The following ARMC9 variants were observed in gnomAD, a reference collection of about 807,000 sequenced individuals.
ARMC9 encodes armadillo repeat containing 9.
In ARMC9, 94 loss-of-function variants were observed where a neutral mutation model predicts 107.0. The observed-to-expected ratio is 0.88, with a 90% CI of 0.74 to 1.04. The LOEUF (loss-of-function observed/expected upper bound fraction) is 1.04, where lower values mean the gene tolerates loss of function less well. ARMC9 is among the 50% of genes least tolerant of loss of function. The pLI is 0.00. For missense variants in ARMC9, 942 were observed against 1,030.1 expected, an observed-to-expected ratio of 0.91 and a Z score of 1.17; for synonymous variants, 380 against 396.9, an observed-to-expected ratio of 0.96 and a Z score of 0.51.
Position 231,350,026 on chromosome 2 carries a change from TAA to T in ARMC9, c.1994+4951_1994+4952del, listed in dbSNP as rs200774556. ...TACACCTACTGTACCCACAAACATC[TAA>T]AAAAAAAAAAAAAATTGAGGGGAAG... On this transcript the variant is annotated intron_variant, in intron 21 of 24. Coordinates refer to ENST00000611582, the MANE Select transcript of ARMC9 (RefSeq NM_001352754.2). Among the ~76,000 whole-genome samples, 797 of 136,860 alleles carry T rather than the reference TAA, an allele frequency of 5.8e-3. 7 individuals are homozygous for T. The highest frequency in any genetic ancestry group is 0.018 in the African/African-American group (704 of 39,116). 89.8% of individuals were successfully genotyped at this position (136,860 alleles called of 152,430 possible).
intron 19 of ARMC9, among the ~76,000 whole-genome samples, chr2:231,307,074 C>T (rs1478479708): frequency 6.6e-6 from 1 of 152,154 alleles, no homozygotes; most frequent in Non-Finnish European, 1.5e-5. Context: ...TTCCCTTGCC[C>T]TGGTGTTCTC....
intron 14 of ARMC9, among the ~76,000 whole-genome samples, chr2:231,276,189 G>T (rs1193475044): frequency 6.6e-6 from 1 of 151,836 alleles, no homozygotes; most frequent in Non-Finnish European, 1.5e-5. Context: ...TATTTCAATT[G>T]TATGGGTTTA....
At chr2:231,294,008 T>C (rs749324955) in intron 18 of ARMC9, 1 of 152,250 alleles carries the variant, frequency 6.6e-6, no homozygotes, top group Non-Finnish European at 1.5e-5. Context: ...GAAATGGCAT[T>C]GCCACCATCT....
intron 19 of ARMC9, among the ~76,000 whole-genome samples, chr2:231,306,577 GATCCA>G (rs1481931949): frequency 3.3e-5 from 5 of 152,176 alleles, no homozygotes; most frequent in African/African-American, 1.2e-4. Flanking sequence ...CAGCATGACA[GATCCA>G]ACAAAGTGCA....
At chr2:231,253,654 G>A (rs1410619128) in intron 9 of ARMC9, among the ~76,000 whole-genome samples, 1 of 152,242 alleles carries the variant, frequency 6.6e-6, no homozygotes, top group East Asian at 1.9e-4. Context: ...GGTTCAGGAA[G>A]TCTGGGATGG....
intron 9 of ARMC9, among the ~76,000 whole-genome samples, chr2:231,250,008 G>A (rs1559351432): frequency 6.6e-6 from 1 of 150,970 alleles, no homozygotes; most frequent in Non-Finnish European, 1.5e-5. Flanking sequence ...ACACCTCCAC[G>A]GGAGGGAGAC....
intron 17 of ARMC9, among the ~76,000 whole-genome samples, chr2:231,289,615 C>G (rs2040849993): frequency 6.6e-6 from 1 of 152,192 alleles, no homozygotes; most frequent in African/African-American, 2.4e-5. Flanking sequence ...ATTCAGCTCT[C>G]CCAGCAGTGC....
At chr2:231,337,290 AT>A (rs58078324) in intron 20 of ARMC9, among the ~76,000 whole-genome samples, 295 of 37,892 alleles carry the variant, frequency 7.8e-3, no homozygotes, top group African/African-American at 0.023. Context: ...ATATATATAT[AT>A]TTTTTTTTTT....
chr2:231,247,345 T>G (rs1468364615), intron 9 of ARMC9, among the ~76,000 whole-genome samples: 1 of 152,238 alleles, frequency 6.6e-6, no homozygotes, highest in Non-Finnish European at 1.5e-5. Context: ...GTGGCTCTTA[T>G]AAGGCACCTG....
chr2:231,313,929 T>C (rs985800615), intron 19 of ARMC9, among the ~76,000 whole-genome samples: 3 of 150,558 alleles, frequency 2.0e-5, no homozygotes, highest in Non-Finnish European at 4.5e-5. Flanking sequence ...CTAATTTTTT[T>C]TTTTTTTTTT....
At chr2:231,322,454 A>G (rs2043051782) in intron 19 of ARMC9, among the ~76,000 whole-genome samples, 1 of 152,238 alleles carries the variant, frequency 6.6e-6, no homozygotes, top group East Asian at 1.9e-4. Flanking sequence ...GGATACTTTC[A>G]CTTGTCATGT....
intron 5 of ARMC9, among the ~76,000 whole-genome samples, chr2:231,217,517 C>G (rs1473852986): frequency 6.6e-6 from 1 of 151,068 alleles, no homozygotes; most frequent in Non-Finnish European, 1.5e-5. Context: ...TTGCAGTGAA[C>G]CAGGAGTGCC....
At chr2:231,277,484 A>G (rs2039860264) in intron 15 of ARMC9, among the ~76,000 whole-genome samples, 1 of 151,760 alleles carries the variant, frequency 6.6e-6, no homozygotes, top group Admixed American at 6.6e-5. Context: ...AGACTGAACC[A>G]TGTAACTGTG....
At chr2:231,321,224 T>C (rs1216340671) in intron 19 of ARMC9, among the ~76,000 whole-genome samples, 1 of 152,232 alleles carries the variant, frequency 6.6e-6, no homozygotes, top group Admixed American at 6.5e-5. Context: ...CTGGCCTGAC[T>C]GGTCTAGAGG....
At chr2:231,316,221 A>G (rs2042670322) in intron 19 of ARMC9, among the ~76,000 whole-genome samples, 1 of 149,302 alleles carries the variant, frequency 6.7e-6, no homozygotes, top group Admixed American at 6.7e-5. Flanking sequence ...TACCATTTCC[A>G]GTGCTCTGTA....
intron 9 of ARMC9, among the ~76,000 whole-genome samples, chr2:231,254,051 G>T (rs893435398): frequency 2.0e-5 from 3 of 152,274 alleles, no homozygotes; most frequent in South Asian, 4.2e-4. Context: ...CTTACATGAC[G>T]CAGCACAGCT....
intron 17 of ARMC9, 54 bp from the exon 18 acceptor site, chr2:231,291,299 T>C: frequency 4.2e-6 from 6 of 1,440,820 alleles, no homozygotes; most frequent in Non-Finnish European, 5.9e-6. Context: ...CATTGAAAAG[T>C]AGTTTCCCTC....
chr2:231,288,563 AAGT>A (rs915284132), intron 17 of ARMC9: 1 of 467,554 alleles, frequency 2.1e-6, no homozygotes, highest in African/African-American at 2.0e-5. Context: ...TGTTGAGTAA[AAGT>A]AGAAGTGAGT....
intron 6 of ARMC9, among the ~76,000 whole-genome samples, chr2:231,225,283 G>A (rs2034533730): frequency 6.6e-6 from 1 of 152,108 alleles, no homozygotes. Flanking sequence ...TTCCCTCAGA[G>A]GTTTAAACGT....
Sources: allele counts gnomAD v4.1 joint callset (sites outside exome capture counted in the v4.1 genomes callset), GRCh38; gene constraint gnomAD v4.1.1; transcripts MANE v1.5; gene names NCBI Gene and HGNC (gene_info 2026-07-23, HGNC 2026-07-21).